The following ARMC2 variants were observed in gnomAD, a reference collection of about 807,000 sequenced individuals.
ARMC2 encodes the protein armadillo repeat containing 2, also known as armadillo repeat-containing protein 2.
ARMC2 carries 67 observed loss-of-function variants against 90.3 expected under a neutral mutation model. The ratio of observed to expected loss-of-function variants is 0.74; its 90% CI spans 0.61 to 0.91. ARMC2 has a LOEUF of 0.91. Among genes scored for constraint, ARMC2 ranks in the 40% least tolerant of loss-of-function variants. The pLI, the probability that ARMC2 is intolerant of heterozygous loss-of-function variation, is 0.00. For missense variants in ARMC2, 920 were observed against 1,030.9 expected (o/e 0.89, Z 1.47); for synonymous variants, 393 against 393.0 (o/e 1.00, Z 0.00).
At chr6:108,873,839 C>A (rs545798122) in intron 4 of ARMC2, among the ~76,000 whole-genome samples, 3 of 152,188 alleles carry the variant, frequency 2.0e-5, no homozygotes, top group Admixed American at 6.5e-5. Flanking sequence ...CTCTCTGCCC[C>A]CTCCTTACCT....
At chr6:108,876,446 C>G (rs1258988502) in intron 5 of ARMC2, 96 bp downstream of exon 5, 1 of 1,324,184 alleles carries the variant, frequency 7.6e-7, no homozygotes, top group Non-Finnish European at 1.0e-6. Flanking sequence ...TGCTTTTTCT[C>G]TTTTATGTAA....
At chr6:108,884,615 G>A (rs916092240) in intron 5 of ARMC2, among the ~76,000 whole-genome samples, 4 of 152,202 alleles carry the variant, frequency 2.6e-5, no homozygotes, top group Non-Finnish European at 4.4e-5. Context: ...GGGATTTGAC[G>A]TGGCAGTGGC....
intron 4 of ARMC2, among the ~76,000 whole-genome samples, chr6:108,874,894 G>A (rs1169906371): frequency 4.0e-5 from 6 of 151,676 alleles, no homozygotes; most frequent in African/African-American, 9.7e-5. Flanking sequence ...AAAATTTAGC[G>A]TTTTGAAAGC....
intron 1 of ARMC2, among the ~76,000 whole-genome samples, chr6:108,850,013 CCT>C (rs1773842528): frequency 6.6e-6 from 1 of 152,188 alleles, no homozygotes; most frequent in Non-Finnish European, 1.5e-5. Context: ...CTGCTTTTCC[CCT>C]GTTGCAGACA....
chr6:108,960,307 C>T (rs1480845061), intron 13 of ARMC2, among the ~76,000 whole-genome samples: 1 of 152,246 alleles, frequency 6.6e-6, no homozygotes, highest in Non-Finnish European at 1.5e-5. Flanking sequence ...CACCCGTGTC[C>T]ACGCTATGCT....
chr6:108,888,894 C>G (rs1278460096), intron 5 of ARMC2, among the ~76,000 whole-genome samples: 1 of 152,160 alleles, frequency 6.6e-6, no homozygotes, highest in Non-Finnish European at 1.5e-5. Context: ...TGACATTGCA[C>G]ACCCCCAAAT....
intron 15 of ARMC2, among the ~76,000 whole-genome samples, chr6:108,962,921 C>T (rs555159405): frequency 3.3e-5 from 5 of 152,186 alleles, no homozygotes; most frequent in African/African-American, 1.2e-4. Flanking sequence ...ATCACTTGAG[C>T]CCAGAAGTTT....
chr6:108,924,607 T>C (rs1177595768), intron 10 of ARMC2, among the ~76,000 whole-genome samples: 1 of 151,756 alleles, frequency 6.6e-6, no homozygotes, highest in Non-Finnish European at 1.5e-5. Flanking sequence ...TCATGAAGGG[T>C]TGAGGACCTC....
In ARMC2 at chr6:108,890,218, A is replaced by ACAAACAAACAAAC. The variant is rs1276657256; in HGVS notation, c.672-4249_672-4248insCAAACAAACAAAC. Among the ~76,000 whole-genome samples, 31 of 116,592 alleles carry ACAAACAAACAAAC rather than the reference A, an allele frequency of 2.7e-4. 1 individual carries two copies. In the East Asian group the frequency reaches 3.1e-3, roughly 11 times the overall value. The allele number at this position is 116,592 out of a possible 152,430, so 76.5% of individuals were successfully genotyped here. A position where few individuals can be genotyped will look rare whatever the true frequency, so the allele number is the denominator to read the frequency against. Reference sequence around the variant, plus strand: ...AAAAAAAAAAAAAAAAAAAAAAAAAAAAAAAAAAAAACAGTGGTTTCTTAG... The same window carrying ACAAACAAACAAAC: ...AAAAAAAAAAAAAAAAAAAAAAAAAACAAACAAACAAACAAAAAAAAAAACAGTGGTTTCTTAG... On this transcript the variant is annotated intron_variant, in intron 5 of 17. Coordinates refer to ENST00000392644, the MANE Select transcript of ARMC2 (RefSeq NM_032131.6).
the ARMC2 span, among the ~76,000 whole-genome samples, chr6:109,016,838 T>C: frequency 5.9e-5 from 9 of 152,208 alleles, no homozygotes; most frequent in South Asian, 2.1e-4. Context: ...CTTGTAGTAA[T>C]AGAGAATATG....
At chr6:108,916,007 AT>A (rs1201473370) in intron 10 of ARMC2, among the ~76,000 whole-genome samples, 1 of 152,194 alleles carries the variant, frequency 6.6e-6, no homozygotes, top group African/African-American at 2.4e-5. Context: ...TTTTAGACTG[AT>A]TAGAATGGAG....
intron 10 of ARMC2, 58 bp downstream of exon 10, chr6:108,912,616 G>T (rs1773551554): frequency 6.8e-7 from 1 of 1,470,928 alleles, no homozygotes; most frequent in South Asian, 1.2e-5. Context: ...ATTGCCTAAT[G>T]CCAGTTTTAA....
chr6:108,862,085 T>A (rs960597031), intron 3 of ARMC2, among the ~76,000 whole-genome samples: 1 of 152,112 alleles, frequency 6.6e-6, no homozygotes, highest in African/African-American at 2.4e-5. Context: ...GGCTCATGCA[T>A]GTGATCCCAG....
chr6:108,886,285 C>G (rs778266404), intron 5 of ARMC2, among the ~76,000 whole-genome samples: 1 of 152,130 alleles, frequency 6.6e-6, no homozygotes, highest in African/African-American at 2.4e-5. Flanking sequence ...CAGCCAGGTC[C>G]GGTGGCTCAC....
chr6:108,907,379 C>A (rs1554248646), intron 8 of ARMC2, among the ~76,000 whole-genome samples: 4 of 151,314 alleles, frequency 2.6e-5, no homozygotes, highest in Non-Finnish European at 5.9e-5. Flanking sequence ...GGTAGTCAAC[C>A]AATTCAAATA....
At chr6:108,901,943 T>G (rs1373206414) in intron 7 of ARMC2, among the ~76,000 whole-genome samples, 1 of 152,194 alleles carries the variant, frequency 6.6e-6, no homozygotes, top group East Asian at 1.9e-4. Flanking sequence ...TTGTCTGATG[T>G]TTTCCCGTGA....
intron 4 of ARMC2, among the ~76,000 whole-genome samples, chr6:108,871,645 A>T (rs1043255331): frequency 3.9e-5 from 6 of 152,082 alleles, no homozygotes; most frequent in Non-Finnish European, 8.8e-5. Context: ...TTGCTGAGGT[A>T]CACACTGATG....
rs1380504507 is a variant in ARMC2 at position 108,962,127 on chromosome 6, G to A, written c.2152G>A (p.Val718Ile). Residue 718 changes from valine to isoleucine, a missense_variant and splice_region_variant, in exon 15 of 18, where the codon GTC (valine) becomes ATC (isoleucine). By Grantham distance (29) the Val-to-Ile change is conservative. Coordinates refer to ENST00000392644, the MANE Select transcript of ARMC2 (RefSeq NM_032131.6). ...DVCDFIVQNN[V>I]HRFMMALLDA... The stretch of plus-strand genomic sequence containing the variant: ...CTGCGATTTCATTGTGCAGAACAAT[G>A]GTGAGTTAATAACACTAGAATTCAT... The A allele has an allele frequency of 6.3e-7, 1 of 1,597,190 alleles. No individual in the cohort carries two copies. Among genetic ancestry groups the A allele is most frequent in the African/African-American group, 1.3e-5 (1 of 74,524 alleles).
chr6:109,012,942 C>T, the ARMC2 span, among the ~76,000 whole-genome samples: 2 of 151,286 alleles, frequency 1.3e-5, no homozygotes, highest in African/African-American at 2.4e-5. Context: ...GGTGAAACCC[C>T]GTCTCTACTG....
Sources: allele counts gnomAD v4.1 joint callset (sites outside exome capture counted in the v4.1 genomes callset), GRCh38; gene constraint gnomAD v4.1.1; transcripts MANE v1.5; gene names NCBI Gene and HGNC (gene_info 2026-07-23, HGNC 2026-07-21).